Variants in TRHDE observed in about 807,000 individuals in gnomAD.
TRHDE encodes the protein thyrotropin releasing hormone degrading enzyme.
A neutral mutation model predicts 125.7 loss-of-function variants in TRHDE; 72 were observed. The observed-to-expected ratio is 0.57, with a 90% confidence interval of 0.47 to 0.70. The LOEUF (loss-of-function observed/expected upper bound fraction) is 0.70. TRHDE is among the 30% of genes least tolerant of loss of function. The pLI is 0.00. For synonymous variants in TRHDE, 509 were observed against 509.1 expected, an observed-to-expected ratio of 1.00 and a Z score of 0.00; for missense variants, 1,110 against 1,327.1, an observed-to-expected ratio of 0.84 and a Z score of 2.54.
At chr12:72,620,417 T>A (rs941454825) in intron 13 of TRHDE, among the ~76,000 whole-genome samples, 3 of 150,394 alleles carry the variant, frequency 2.0e-5, no homozygotes, top group Non-Finnish European at 4.4e-5. Context: ...CAGCTGCTCA[T>A]GAGGCTGAGG....
intron 1 of TRHDE, among the ~76,000 whole-genome samples, chr12:72,104,969 T>A (rs1875150995): frequency 6.6e-6 from 1 of 152,174 alleles, no homozygotes. Flanking sequence ...GGACCATGGC[T>A]GTTAGCAGCT....
intron 2 of TRHDE, among the ~76,000 whole-genome samples, chr12:72,229,267 G>A (rs982417258): frequency 9.2e-5 from 14 of 152,196 alleles, no homozygotes. Flanking sequence ...AGCAGAAGAT[G>A]AAGGAAGAGA....
chr12:72,153,714 G>T (rs1363758574), intron 2 of TRHDE, among the ~76,000 whole-genome samples: 1 of 152,168 alleles, frequency 6.6e-6, no homozygotes, highest in Non-Finnish European at 1.5e-5. Flanking sequence ...TTTTGAGTGA[G>T]TTTCTTAATC....
At chr12:72,187,307 C>CA (rs1477818271) in intron 2 of TRHDE, among the ~76,000 whole-genome samples, 32 of 129,978 alleles carry the variant, frequency 2.5e-4, no homozygotes, top group African/African-American at 9.7e-4. Flanking sequence ...TTCAGAGAAA[C>CA]ACAACACACA....
chr12:72,416,568 T>A (rs930240627), intron 3 of TRHDE, among the ~76,000 whole-genome samples: 1 of 152,082 alleles, frequency 6.6e-6, no homozygotes, highest in African/African-American at 2.4e-5. Context: ...TGGTGAGAGA[T>A]AGAGGTCTAG....
intron 15 of TRHDE, among the ~76,000 whole-genome samples, chr12:72,641,137 C>T (rs979658328): frequency 6.6e-6 from 1 of 152,148 alleles, no homozygotes; most frequent in African/African-American, 2.4e-5. Context: ...CAAATTAGGT[C>T]TGCCAAAAAC....
intron 2 of TRHDE, among the ~76,000 whole-genome samples, chr12:72,132,905 TGAG>T (rs147485081): frequency 6.6e-6 from 1 of 151,898 alleles, no homozygotes; most frequent in South Asian, 2.1e-4. Flanking sequence ...TGGATCTTGA[TGAG>T]GAGAAGTTTT....
chr12:72,634,338 T>G, intron 15 of TRHDE, among the ~76,000 whole-genome samples: 1 of 152,018 alleles, frequency 6.6e-6, no homozygotes, highest in East Asian at 1.9e-4. Flanking sequence ...TTTTTCAGTT[T>G]GCTATTTCAA....
chr12:72,211,541 C>T (rs935320865), intron 2 of TRHDE, among the ~76,000 whole-genome samples: 5 of 152,116 alleles, frequency 3.3e-5, no homozygotes, highest in South Asian at 2.1e-4. Context: ...CAAAGAACAA[C>T]AGTGTACCAT....
chr12:72,180,833 G>A (rs1432929747), intron 2 of TRHDE, among the ~76,000 whole-genome samples: 1 of 152,192 alleles, frequency 6.6e-6, no homozygotes, highest in Non-Finnish European at 1.5e-5. Flanking sequence ...GCAGAGCCAC[G>A]AATGGAAGGA....
intron 15 of TRHDE, among the ~76,000 whole-genome samples, chr12:72,649,678 C>A (rs115202547): frequency 4.6e-5 from 7 of 152,114 alleles, no homozygotes; most frequent in Admixed American, 2.6e-4. Context: ...TAAGACACTC[C>A]TTCAACTCAA....
At chr12:72,279,720 G>A (rs183582010) in intron 1 of TRHDE, among the ~76,000 whole-genome samples, 1,749 of 152,260 alleles carry the variant, frequency 0.011, 26 homozygotes, top group African/African-American at 0.04. Context: ...TAAGGGTGAA[G>A]AACCCAGGCT....
intron 5 of TRHDE, among the ~76,000 whole-genome samples, chr12:72,483,133 CT>C (rs1447348588): frequency 4.0e-4 from 59 of 146,922 alleles, no homozygotes; most frequent in Admixed American, 5.4e-4. Context: ...TGCCTCCTCC[CT>C]TTTTTTTTTG....
intron 2 of TRHDE, among the ~76,000 whole-genome samples, chr12:72,206,143 A>G (rs1173509509): frequency 6.7e-6 from 1 of 150,344 alleles, no homozygotes; most frequent in Admixed American, 6.6e-5. Context: ...CTGGAGTGCA[A>G]TGGTGCTATC....
At chr12:72,443,212 GTGTGT>G in intron 3 of TRHDE, among the ~76,000 whole-genome samples, 1 of 151,394 alleles carries the variant, frequency 6.6e-6, no homozygotes, top group Non-Finnish European at 1.5e-5. Context: ...GTGTGTGTGT[GTGTGT>G]GTGTGTGTGT....
At chr12:72,128,173 G>A (rs1011520191) in intron 2 of TRHDE, among the ~76,000 whole-genome samples, 6 of 152,150 alleles carry the variant, frequency 3.9e-5, no homozygotes, top group Non-Finnish European at 7.3e-5. Context: ...TTGAGTACTC[G>A]GAAGGGTCTT....
chr12:72,637,591 A>G (rs1339831122), intron 15 of TRHDE, among the ~76,000 whole-genome samples: 2 of 151,422 alleles, frequency 1.3e-5, no homozygotes, highest in Non-Finnish European at 3.0e-5. Context: ...TTTAATTGTG[A>G]TGTTAGGGTG....
intron 12 of TRHDE, chr12:72,582,494 C>T: frequency 2.0e-6 from 2 of 985,336 alleles, no homozygotes; most frequent in Non-Finnish European, 2.4e-6. Flanking sequence ...GGATGGCTCT[C>T]TTGTACCTCG....
At chr12:72,628,340 T>G (rs1201115520) in intron 15 of TRHDE, among the ~76,000 whole-genome samples, 1 of 151,778 alleles carries the variant, frequency 6.6e-6, no homozygotes, top group Non-Finnish European at 1.5e-5. Context: ...ACAGGAGAGA[T>G]GCACATTCTT....
Sources: gnomAD v4.1 joint callset for allele counts (sites outside exome capture counted in the v4.1 genomes callset) on GRCh38, gnomAD v4.1.1 for gene constraint, MANE v1.5 for transcripts, NCBI Gene and HGNC (gene_info 2026-07-23, HGNC 2026-07-21) for gene names.